TENT5D: variants seen among roughly 807,000 people sequenced by gnomAD.
TENT5D encodes the protein terminal nucleotidyltransferase 5D, also known as cancer/testis antigen 112.
For synonymous variants in TENT5D, 103 were observed against 100.6 expected, an observed-to-expected ratio of 1.02 and a Z score of -0.15; for missense variants, 191 against 287.0, an observed-to-expected ratio of 0.67 and a Z score of 2.42.
At chrX:80,409,324 C>T (rs1394894722) in intron 3 of TENT5D, among the ~76,000 whole-genome samples, 28 of 110,318 alleles carry the variant, frequency 2.5e-4, no homozygotes, top group Admixed American at 7.7e-4. Context: ...TGTTTGCAGA[C>T]GACATGATTG....
intron 3 of TENT5D, among the ~76,000 whole-genome samples, chrX:80,370,899 A>G (rs1024824227): frequency 3.6e-5 from 4 of 112,237 alleles, no homozygotes; most frequent in African/African-American, 1.3e-4. Flanking sequence ...AAAAATATGT[A>G]TATGTCAATG....
chrX:80,440,960 G>A (rs2147572032), intron 2 of TENT5D, among the ~76,000 whole-genome samples: 1 of 111,096 alleles, frequency 9.0e-6, no homozygotes, highest in African/African-American at 3.2e-5. Context: ...AAGATTACCA[G>A]TTCTCATTGC....
chrX:80,443,086 A>G (rs749800137), exon 3 of TENT5D: 1 of 1,210,976 alleles, frequency 8.3e-7, no homozygotes, highest in South Asian at 1.8e-5. Context: ...TTTGGATCCC[A>G]TGTTAGACTT....
intron 2 of TENT5D, among the ~76,000 whole-genome samples, chrX:80,337,256 C>T (rs1185659407): frequency 9.0e-6 from 1 of 111,127 alleles, no homozygotes; most frequent in East Asian, 2.8e-4. Flanking sequence ...AATGTGTGTG[C>T]AAAATAAAAG....
intron 3 of TENT5D, among the ~76,000 whole-genome samples, chrX:80,343,318 A>T (rs985795332): frequency 3.7e-5 from 4 of 109,383 alleles, no homozygotes; most frequent in African/African-American, 1.0e-4. Flanking sequence ...ATAAATTGTT[A>T]TTATATTTTA....
chrX:80,337,133 A>G (rs1005563165), intron 2 of TENT5D, among the ~76,000 whole-genome samples: 1 of 112,187 alleles, frequency 8.9e-6, no homozygotes. Flanking sequence ...GTTAAAAGCA[A>G]CGAACAAATC....
intron 3 of TENT5D, among the ~76,000 whole-genome samples, chrX:80,391,653 G>A (rs1931129675): frequency 8.9e-6 from 1 of 112,180 alleles, no homozygotes; most frequent in Non-Finnish European, 1.9e-5. Context: ...TGAACCCTGA[G>A]AAGTATAAAG....
intron 3 of TENT5D, among the ~76,000 whole-genome samples, chrX:80,358,681 A>C (rs1930340313): frequency 8.9e-6 from 1 of 112,180 alleles, no homozygotes; most frequent in Non-Finnish European, 1.9e-5. Context: ...TAACCAGTCA[A>C]TTAGTGCACA....
intron 3 of TENT5D, among the ~76,000 whole-genome samples, chrX:80,389,504 G>A (rs1931086587): frequency 8.9e-6 from 1 of 112,410 alleles, no homozygotes; most frequent in South Asian, 3.6e-4. Context: ...CACTCCAACA[G>A]TAGGCATAAC....
chrX:80,390,789 C>A (rs1382051922), intron 3 of TENT5D, among the ~76,000 whole-genome samples: 1 of 111,626 alleles, frequency 9.0e-6, no homozygotes, highest in Non-Finnish European at 1.9e-5. Flanking sequence ...AAGACAAGAT[C>A]ATTTGAGAAG....
At chrX:80,372,231 T>C (rs1930636268) in intron 3 of TENT5D, among the ~76,000 whole-genome samples, 1 of 111,563 alleles carries the variant, frequency 9.0e-6, no homozygotes, top group Non-Finnish European at 1.9e-5. Flanking sequence ...AGGGGTGGAC[T>C]TGTAGACCTG....
At chrX:80,339,806 A>G (rs1197077871) in intron 2 of TENT5D, among the ~76,000 whole-genome samples, 1 of 109,654 alleles carries the variant, frequency 9.1e-6, no homozygotes, top group East Asian at 2.9e-4. Flanking sequence ...TTTGATCTTT[A>G]TTTTAATAAC....
At chrX:80,436,578 C>G (rs899441962) in intron 1 of TENT5D, among the ~76,000 whole-genome samples, 1 of 110,145 alleles carries the variant, frequency 9.1e-6, no homozygotes. Flanking sequence ...GTGTGATGTT[C>G]CCCTCCCTGT....
intron 3 of TENT5D, among the ~76,000 whole-genome samples, chrX:80,345,393 A>G (rs748307668): frequency 1.8e-5 from 2 of 111,569 alleles, no homozygotes; most frequent in East Asian, 5.7e-4. Context: ...AGATCCACCA[A>G]ACATTCCAGT....
chrX:80,405,695 C>A (rs1931474183), intron 3 of TENT5D, among the ~76,000 whole-genome samples: 1 of 108,528 alleles, frequency 9.2e-6, no homozygotes, highest in Non-Finnish European at 1.9e-5. Context: ...CCACCATTGC[C>A]CAGGCTTGCT....
chrX:80,417,895 A>T (rs182281381), upstream of TENT5D, among the ~76,000 whole-genome samples: 1 of 111,329 alleles, frequency 9.0e-6, no homozygotes, highest in Non-Finnish European at 1.9e-5. Context: ...AATATCCTGA[A>T]ATAGGTTTTC....
At chrX:80,342,606 A>G (rs1226561766) in intron 3 of TENT5D, 1 of 112,492 alleles carries the variant, frequency 8.9e-6, no homozygotes, top group Non-Finnish European at 1.9e-5. Context: ...TTTAAATTGG[A>G]GGAATAATGA....
At chrX:80,427,699 G>A (rs1932011698) in intron 1 of TENT5D, among the ~76,000 whole-genome samples, 1 of 112,140 alleles carries the variant, frequency 8.9e-6, no homozygotes, top group South Asian at 3.7e-4. Context: ...CAGAAAGTAT[G>A]TAGTTTCTGT....
chrX:80,414,645 G>A (rs1931733501), intron 3 of TENT5D, among the ~76,000 whole-genome samples: 1 of 112,089 alleles, frequency 8.9e-6, no homozygotes, highest in Admixed American at 9.4e-5. Context: ...AAGTAGATAA[G>A]AGACAAAAGG....
Sources: allele counts gnomAD v4.1 joint callset (sites outside exome capture counted in the v4.1 genomes callset), GRCh38; gene constraint gnomAD v4.1.1; transcripts MANE v1.5; gene names NCBI Gene and HGNC (gene_info 2026-07-23, HGNC 2026-07-21).